The following DNM3 variants were observed in gnomAD, a reference collection of about 807,000 sequenced individuals.
The protein encoded by DNM3 is dynamin-3.
In DNM3, 47 loss-of-function variants were observed where a neutral mutation model predicts 101.6. That is an observed-to-expected ratio of 0.46 (90% CI 0.37 to 0.59). The LOEUF (loss-of-function observed/expected upper bound fraction) is 0.59, where lower values mean the gene tolerates loss of function less well. Among genes scored for constraint, DNM3 ranks in the 20% least tolerant of loss-of-function variants. The probability of loss-of-function intolerance (pLI) is 0.00; values close to 1 mark genes in which losing one functional copy is unlikely to be tolerated. For synonymous variants in DNM3, 385 were observed against 387.9 expected (o/e 0.99, Z 0.09); for missense variants, 849 against 1,085.7 (o/e 0.78, Z 3.06).
intron 1 of DNM3, among the ~76,000 whole-genome samples, chr1:171,883,446 C>T (rs1259939126): frequency 6.7e-6 from 1 of 149,890 alleles, no homozygotes; most frequent in African/African-American, 2.5e-5. Context: ...AATCTATAAA[C>T]TGCATTTGAT....
At chr1:172,130,716 C>T (rs78810424) in intron 13 of DNM3, among the ~76,000 whole-genome samples, 3,502 of 152,202 alleles carry the variant, frequency 0.023, 128 homozygotes, top group African/African-American at 0.078. Flanking sequence ...TTCTTCTTTT[C>T]GTCATTTGCT....
intron 11 of DNM3, among the ~76,000 whole-genome samples, chr1:172,070,783 G>A (rs2052100265): frequency 6.6e-6 from 1 of 151,926 alleles, no homozygotes; most frequent in Admixed American, 6.6e-5. Flanking sequence ...TGTGAGGATG[G>A]AAAGAAGTAA....
intron 2 of DNM3, among the ~76,000 whole-genome samples, chr1:171,959,115 A>C (rs1157420149): frequency 6.6e-6 from 1 of 152,192 alleles, no homozygotes; most frequent in Non-Finnish European, 1.5e-5. Flanking sequence ...TAATAAAATA[A>C]AATTAAAAAT....
At chr1:172,040,617 C>T (rs919661774) in intron 7 of DNM3, among the ~76,000 whole-genome samples, 8 of 151,868 alleles carry the variant, frequency 5.3e-5, no homozygotes, top group African/African-American at 1.9e-4. Context: ...CATTCCTTGC[C>T]CTTAGGAGAG....
intron 13 of DNM3, among the ~76,000 whole-genome samples, chr1:172,101,972 C>T (rs2054677276): frequency 6.6e-6 from 1 of 152,032 alleles, no homozygotes; most frequent in Non-Finnish European, 1.5e-5. Flanking sequence ...AATTCTCCTG[C>T]CTCAGCCTCC....
chr1:172,410,291 T>G lies in DNM3; in HGVS notation c.*2450T>G. ...TATGTGCATAGTTTGACGTGCAGCA[T>G]GCACACCAGGCCTTAAGATGGGAAT... On this transcript the variant is annotated 3_prime_UTR_variant, in exon 21 of 21. Coordinates refer to ENST00000627582, the MANE Select transcript of DNM3 (RefSeq NM_015569.5). 2 of 985,394 alleles carry G rather than the reference T, an allele frequency of 2.0e-6. No homozygotes were observed. The highest frequency in any genetic ancestry group is 2.4e-6 in the Non-Finnish European group (2 of 829,872). 61.0% of individuals were successfully genotyped at this position (985,394 alleles called of 1,614,324 possible).
chr1:172,112,733 C>T (rs1401071410), intron 13 of DNM3, among the ~76,000 whole-genome samples: 1 of 152,140 alleles, frequency 6.6e-6, no homozygotes, highest in Non-Finnish European at 1.5e-5. Context: ...CCCCACTTGC[C>T]ACTTGTAAGC....
intron 14 of DNM3, among the ~76,000 whole-genome samples, chr1:172,202,449 C>G (rs186092684): frequency 2.0e-5 from 3 of 152,124 alleles, no homozygotes; most frequent in African/African-American, 7.2e-5. Flanking sequence ...TTATGTCTTT[C>G]AAGGAATTGG....
At chr1:172,227,067 C>T (rs968895115) in intron 14 of DNM3, among the ~76,000 whole-genome samples, 1 of 151,500 alleles carries the variant, frequency 6.6e-6, no homozygotes. Context: ...CCACTCTCCC[C>T]CTCTCTGAGT....
chr1:172,106,831 T>G (rs1258054523), intron 13 of DNM3, among the ~76,000 whole-genome samples: 1 of 148,410 alleles, frequency 6.7e-6, no homozygotes, highest in African/African-American at 2.5e-5. Context: ...ATTATTCAAT[T>G]TAAGGTAACA....
At chr1:172,101,986 G>T (rs2054678768) in intron 13 of DNM3, among the ~76,000 whole-genome samples, 1 of 151,994 alleles carries the variant, frequency 6.6e-6, no homozygotes, top group Non-Finnish European at 1.5e-5. Context: ...AGCCTCCTGG[G>T]CAGCTGGAAT....
chr1:172,085,941 T>A (rs1260821831), intron 12 of DNM3, among the ~76,000 whole-genome samples: 1 of 152,168 alleles, frequency 6.6e-6, no homozygotes, highest in African/African-American at 2.4e-5. Flanking sequence ...AAAAAGATCC[T>A]TTTTTTGACT....
At chr1:172,009,864 AG>A (rs930433343) in intron 4 of DNM3, among the ~76,000 whole-genome samples, 5 of 151,848 alleles carry the variant, frequency 3.3e-5, no homozygotes, top group Non-Finnish European at 7.4e-5. Flanking sequence ...GTTTGTTGAT[AG>A]TGTTGTTTAA....
intron 15 of DNM3, chr1:172,289,754 T>A (rs749622743): frequency 1.0e-6 from 1 of 985,058 alleles, no homozygotes; most frequent in Non-Finnish European, 1.2e-6. Flanking sequence ...GTGTGTAAGG[T>A]TGTTTAGTAA....
At chr1:171,844,740 G>C (rs1454628004) in intron 1 of DNM3, among the ~76,000 whole-genome samples, 3 of 152,168 alleles carry the variant, frequency 2.0e-5, no homozygotes, top group Non-Finnish European at 2.9e-5. Flanking sequence ...GCAATGAGAG[G>C]CAGCTTAAGA....
At chr1:172,274,708 C>T (rs562816147) in intron 15 of DNM3, among the ~76,000 whole-genome samples, 1 of 146,104 alleles carries the variant, frequency 6.8e-6, no homozygotes, top group East Asian at 2.0e-4. Flanking sequence ...GGTTTTTAAA[C>T]CTTCTCTAGT....
chr1:172,379,983 C>G (rs905527272), intron 18 of DNM3, among the ~76,000 whole-genome samples: 5 of 151,828 alleles, frequency 3.3e-5, no homozygotes, highest in African/African-American at 1.2e-4. Context: ...TAATTTTATT[C>G]CTAGTTATCT....
chr1:172,377,553 CATATAT>C lies in DNM3; in HGVS notation c.1894-1442_1894-1437del, dbSNP rs34612864. Among the ~76,000 whole-genome samples the C allele has an allele frequency of 3.3e-3, 405 of 123,436 alleles. 7 individuals are homozygous for C. Among genetic ancestry groups the C allele is most frequent in the African/African-American group, 0.013 (376 of 28,218 alleles). 81.0% of individuals were successfully genotyped at this position (123,436 alleles called of 152,430 possible). A position where few individuals can be genotyped will look rare whatever the true frequency, so the allele number is the denominator to read the frequency against. ...ATCATCTGCTCTCATTGATATATAT[CATATAT>C]ATATATATATATATATATATATTTC... On this transcript the variant is annotated intron_variant, in intron 17 of 20. Coordinates refer to ENST00000627582, the MANE Select transcript of DNM3 (RefSeq NM_015569.5).
chr1:172,048,086 A>G (rs116027976), intron 9 of DNM3, among the ~76,000 whole-genome samples: 1,818 of 152,290 alleles, frequency 0.012, 15 homozygotes, highest in Non-Finnish European at 0.018. Context: ...AAAGGAAGAC[A>G]CTTGTTATTT....
Sources: allele counts gnomAD v4.1 joint callset (sites outside exome capture counted in the v4.1 genomes callset), GRCh38; gene constraint gnomAD v4.1.1; transcripts MANE v1.5; gene names NCBI Gene and HGNC (gene_info 2026-07-23, HGNC 2026-07-21).